The following WDR19 variants were observed in gnomAD, a reference collection of about 807,000 sequenced individuals.
WDR19 encodes the protein WD repeat-containing protein 19.
Under a neutral mutation model 180.0 loss-of-function variants are expected in WDR19, and 121 were observed. The observed-to-expected ratio is 0.67, with a 90% CI of 0.58 to 0.78. The LOEUF (loss-of-function observed/expected upper bound fraction) is 0.78, where lower values mean the gene tolerates loss of function less well. WDR19 is among the 30% of genes least tolerant of loss of function. WDR19 has a pLI of 0.00. For synonymous variants in WDR19, 497 were observed against 540.7 expected, an observed-to-expected ratio of 0.92 and a Z score of 1.12; for missense variants, 1,450 against 1,640.7, an observed-to-expected ratio of 0.88 and a Z score of 2.01.
At chr4:39,226,879 C>T (rs572892890) in intron 15 of WDR19, among the ~76,000 whole-genome samples, 1 of 152,194 alleles carries the variant, frequency 6.6e-6, no homozygotes, top group Admixed American at 6.5e-5. Context: ...GAGGAATCGC[C>T]ACACTGTCTT....
chr4:39,240,483 G>C (rs1731819607), intron 21 of WDR19, 149 bp downstream of exon 21: 1 of 372,176 alleles, frequency 2.7e-6, no homozygotes, highest in Non-Finnish European at 4.7e-6. Context: ...CAAGGAAATA[G>C]TTAAATCCTT....
chr4:39,222,203 G>A (rs936242234), intron 14 of WDR19, among the ~76,000 whole-genome samples: 8 of 152,056 alleles, frequency 5.3e-5, no homozygotes, highest in Admixed American at 2.6e-4. Context: ...ATGTTTATTT[G>A]CTTTCTGTAT....
chr4:39,265,358 G>A (rs1033637652), intron 28 of WDR19, among the ~76,000 whole-genome samples: 9 of 152,204 alleles, frequency 5.9e-5, no homozygotes, highest in Middle Eastern at 3.4e-3. Flanking sequence ...GTAGTCATGC[G>A]CAAGTACATT....
At chr4:39,276,909 C>G in intron 33 of WDR19, 111 bp from the exon 34 acceptor site, 1 of 1,347,878 alleles carries the variant, frequency 7.4e-7, no homozygotes, top group East Asian at 2.4e-5. Flanking sequence ...CAGAGTCTGA[C>G]TATGAAGTAG....
In WDR19 at chr4:39,238,603, T is replaced by C. The variant is rs34223416; in HGVS notation, c.2364-1674T>C. Among the ~76,000 whole-genome samples the C allele has an allele frequency of 3.3e-5, 5 of 152,220 alleles. No homozygotes were observed. In the East Asian group the frequency reaches 5.8e-4, roughly 18 times the overall value. On this transcript the variant is annotated intron_variant, in intron 20 of 36. Transcript: ENST00000399820. ...GTTGATGTCATCAGGTCCATACTGG[T>C]AATTTCCACTTAGGAACATTGCTGA...
chr4:39,283,616 A>G (rs998054683), intron 36 of WDR19, among the ~76,000 whole-genome samples: 2 of 152,070 alleles, frequency 1.3e-5, no homozygotes, highest in African/African-American at 4.8e-5. Context: ...CACACACACA[A>G]ATATACATAT....
chr4:39,205,884 G>A, intron 9 of WDR19, 148 bp downstream of exon 9: 15 of 722,916 alleles, frequency 2.1e-5, no homozygotes, highest in South Asian at 9.7e-5. Flanking sequence ...TAATATTCAG[G>A]GCAAAAATAT....
rs1725858893 is a variant in WDR19, at chr4:39,188,901, C to T, written c.165-755C>T. ...GAGTAGCTGAGTAGCATGTGCATGCCACCACGCCCAGCTCATTTTTTTTTC... is the reference window on the plus strand; with the variant it reads ...GAGTAGCTGAGTAGCATGTGCATGCTACCACGCCCAGCTCATTTTTTTTTC... On this transcript the variant is annotated intron_variant, in intron 3 of 36. Coordinates refer to ENST00000399820, the MANE Select transcript of WDR19 (RefSeq NM_025132.4). Among the ~76,000 whole-genome samples the T allele has an allele frequency of 2.0e-5, 3 of 151,814 alleles. No individual in the cohort carries two copies. The South Asian group carries it at 6.2e-4, about 32-fold the overall frequency.
chr4:39,216,065 C>T (rs776458152), intron 11 of WDR19, 31 bp from the exon 12 acceptor site: 52 of 1,539,940 alleles, frequency 3.4e-5, no homozygotes, highest in Non-Finnish European at 4.0e-5. Flanking sequence ...TAAGTTTAGC[C>T]GTTGATTTAT....
Position 39,266,141 on chromosome 4 carries a change from G to A in WDR19, c.3261+1G>A. The A allele has an allele frequency of 6.4e-7, 1 of 1,558,170 alleles. No homozygotes were observed. The highest frequency in any genetic ancestry group is 8.7e-7 in the Non-Finnish European group (1 of 1,150,312). Reference sequence around the variant, plus strand: ...GGGGGAGAACGATGGCATGCCTAAGGTACTGAACACGTGGGCTTCGTGTGC... The same window carrying A: ...GGGGGAGAACGATGGCATGCCTAAGATACTGAACACGTGGGCTTCGTGTGC... On this transcript the variant is annotated splice_donor_variant, in intron 29 of 36. Transcript: ENST00000399820. LOFTEE classifies it high-confidence loss of function.
chr4:39,210,507 A>AC (rs1004278839), intron 9 of WDR19, among the ~76,000 whole-genome samples: 1 of 151,996 alleles, frequency 6.6e-6, no homozygotes, highest in African/African-American at 2.4e-5. Context: ...ATATAGCGAG[A>AC]CCCCATCTCT....
intron 27 of WDR19, among the ~76,000 whole-genome samples, chr4:39,257,061 T>C (rs1373152315): frequency 6.6e-6 from 1 of 152,196 alleles, no homozygotes; most frequent in Non-Finnish European, 1.5e-5. Context: ...ATTATCATCA[T>C]ATCACACAGA....
chr4:39,187,435 A>T (rs987052325), intron 3 of WDR19, among the ~76,000 whole-genome samples: 1 of 151,894 alleles, frequency 6.6e-6, no homozygotes, highest in African/African-American at 2.4e-5. Context: ...AAAAAAAAAA[A>T]AAAGATGTAT....
chr4:39,185,906 T>G (rs1725477124), intron 2 of WDR19, 89 bp downstream of exon 2: 1 of 1,170,328 alleles, frequency 8.5e-7, no homozygotes, highest in African/African-American at 1.6e-5. Context: ...GTTGTTGTTT[T>G]TTTTTTTTAA....
At chr4:39,282,997 A>C (rs1018203288) in intron 36 of WDR19, among the ~76,000 whole-genome samples, 6 of 152,144 alleles carry the variant, frequency 3.9e-5, no homozygotes, top group Non-Finnish European at 7.4e-5. Flanking sequence ...TCTCATACAC[A>C]CTGGCTAGGA....
intron 7 of WDR19, among the ~76,000 whole-genome samples, chr4:39,204,439 A>G (rs1249326719): frequency 6.6e-6 from 1 of 152,216 alleles, no homozygotes; most frequent in Non-Finnish European, 1.5e-5. Context: ...ACATCTTAAC[A>G]TTCTGAAATC....
At chr4:39,239,615 G>A (rs1451789620) in intron 20 of WDR19, among the ~76,000 whole-genome samples, 1 of 152,006 alleles carries the variant, frequency 6.6e-6, no homozygotes, top group Non-Finnish European at 1.5e-5. Flanking sequence ...AACCACCATG[G>A]CACATGTTTA....
chr4:39,258,288 G>C (rs555927753), intron 28 of WDR19, among the ~76,000 whole-genome samples: 25 of 152,216 alleles, frequency 1.6e-4, no homozygotes, highest in Non-Finnish European at 2.9e-4. Context: ...AAGTAGCTGG[G>C]ATTACCTGTG....
intron 36 of WDR19, among the ~76,000 whole-genome samples, chr4:39,284,527 T>TA (rs1736956383): frequency 6.8e-6 from 1 of 147,236 alleles, no homozygotes; most frequent in African/African-American, 2.5e-5. Flanking sequence ...TTTTTAGACA[T>TA]GGGGTCTCAC....
Sources: gnomAD v4.1 joint callset for allele counts (sites outside exome capture counted in the v4.1 genomes callset) on GRCh38, gnomAD v4.1.1 for gene constraint, MANE v1.5 for transcripts, NCBI Gene and HGNC (gene_info 2026-07-23, HGNC 2026-07-21) for gene names.